Variants in ATG2B observed in about 807,000 individuals in gnomAD.
The protein encoded by ATG2B is autophagy-related protein 2 homolog B.
Under a neutral mutation model 241.3 loss-of-function variants are expected in ATG2B, and 121 were observed. The observed-to-expected ratio is 0.50, with a 90% CI of 0.43 to 0.58. The LOEUF is 0.58. ATG2B is among the 20% of genes least tolerant of loss of function. The pLI is 0.00. For synonymous variants in ATG2B, 858 were observed against 876.6 expected (o/e 0.98, Z 0.37); for missense variants, 2,306 against 2,491.6 (o/e 0.93, Z 1.59).
In ATG2B at chr14:96,334,473, A is replaced by G; in HGVS notation, c.953T>C (p.Ile318Thr). The G allele has an allele frequency of 2.5e-6, 4 of 1,608,552 alleles. No individual in the cohort carries two copies. The highest frequency in any genetic ancestry group is 2.5e-6 in the Non-Finnish European group (3 of 1,177,930). The change falls in exon 7 of 42, where the codon ATT (isoleucine) becomes ACT (threonine). Residue 318 changes from isoleucine to threonine, a missense_variant. By Grantham distance (89) the Ile-to-Thr change is moderately conservative. Around this residue, in one of 2 missense-constraint regions of ATG2B, gnomAD observed 1,927 missense variants for 2,011.2 expected, o/e 0.96. Coordinates refer to ENST00000359933, the MANE Select transcript of ATG2B (RefSeq NM_018036.7). ...CTGTCTTGGTGACAGGAGTAGATGA[A>G]TAGAGTCTATCTGTCCATCAACATC... ...KLDVDGQIDS[I>T]HLLLSPRQVH...
At position 96,315,391 on chromosome 14, in the gene ATG2B, T is replaced by C. The variant is rs753200417; in HGVS notation, c.3554A>G (p.Asn1185Ser). The change falls in exon 22 of 42, where the codon AAT (asparagine) becomes AGT (serine). Residue 1185 changes from asparagine to serine, a missense_variant. Transcript: ENST00000359933. ...AAAGTACAAAACACAAACCTTTGTA[T>C]TGGACTCTGATTTATCAGACAATAT... is the stretch of plus-strand genomic sequence containing the variant. ...VKILSDKSES[N>S]TKEFLIAVGL... 37 of 1,613,890 alleles carry C rather than the reference T, an allele frequency of 2.3e-5. No homozygotes were observed. In the East Asian group the frequency reaches 7.6e-4, roughly 33 times the overall value.
chr14:96,309,357 C>T (rs1374985373), intron 29 of ATG2B, 96 bp downstream of exon 29: 23 of 1,410,976 alleles, frequency 1.6e-5, no homozygotes, highest in Non-Finnish European at 2.1e-5. Context: ...AACTCATATG[C>T]GTCTTTAATA....
intron 1 of ATG2B, among the ~76,000 whole-genome samples, chr14:96,357,683 A>G (rs2139912467): frequency 7.0e-6 from 1 of 142,562 alleles, no homozygotes; most frequent in Admixed American, 7.1e-5. Flanking sequence ...ATTTTTTCAT[A>G]GTTTTTTTTT....
rs764529741 is a variant in ATG2B at position 96,290,535 on chromosome 14, G to C, written c.5757C>G (p.Gly1919=). ...WLPIEQYRKD[G]RIVRGFQRGA... ...CTCTCTGAAACCCTCTGACAATGCG[G>C]CCATCCTTCCGGTACTGCTCTATTG... is the stretch of plus-strand genomic sequence containing the variant. The change falls in exon 40 of 42, where the codon GGC becomes GGG. Residue 1919 remains glycine (G), a synonymous_variant. Transcript: ENST00000359933. The surrounding 1 kb of genome is among the most constrained non-coding windows in gnomAD (Gnocchi z 4.4). The C allele has an allele frequency of 6.2e-7, 1 of 1,614,162 alleles. No individual in the cohort carries two copies. The highest frequency in any genetic ancestry group is 8.5e-7 in the Non-Finnish European group (1 of 1,180,032).
chr14:96,323,843 T>C (rs1243593380), intron 16 of ATG2B, 53 bp downstream of exon 16: 1 of 1,167,768 alleles, frequency 8.6e-7, no homozygotes, highest in East Asian at 2.4e-5. Context: ...TTTAAAAGAA[T>C]ATTTTATTTT....
intron 18 of ATG2B, 31 bp from the exon 19 acceptor site, chr14:96,317,886 T>C (rs1887358156): frequency 6.7e-7 from 1 of 1,482,542 alleles, no homozygotes; most frequent in Non-Finnish European, 9.1e-7. Context: ...AAATAAGTAC[T>C]TAACTCCTAG....
At chr14:96,334,616 C>T in intron 6 of ATG2B, 115 bp from the exon 7 acceptor site, 1 of 549,226 alleles carries the variant, frequency 1.8e-6, no homozygotes, top group Non-Finnish European at 3.2e-6. Flanking sequence ...TCTTGGAGTC[C>T]TTCATCTGAG....
chr14:96,359,913 TG>T (rs1888578863), intron 1 of ATG2B, among the ~76,000 whole-genome samples: 1 of 152,224 alleles, frequency 6.6e-6, no homozygotes. Context: ...AATATACAAA[TG>T]GGCACTGGCA....
At chr14:96,317,590 A>G (rs937593389) in intron 19 of ATG2B, 108 bp downstream of exon 19, 4 of 1,004,138 alleles carry the variant, frequency 4.0e-6, no homozygotes, top group Admixed American at 5.4e-5. Flanking sequence ...ATTGCAAAAT[A>G]TAGTTACAAT....
intron 28 of ATG2B, among the ~76,000 whole-genome samples, chr14:96,310,324 C>A (rs192288055): frequency 1.7e-4 from 26 of 152,182 alleles, no homozygotes; most frequent in Admixed American, 1.4e-3. Context: ...GTAAAATAAT[C>A]CTGAACAAAA....
chr14:96,311,072 G>A (rs1348283062), intron 28 of ATG2B, 45 bp downstream of exon 28: 14 of 1,522,362 alleles, frequency 9.2e-6, no homozygotes, highest in East Asian at 2.3e-5. Flanking sequence ...ATGTAAACAT[G>A]TCACGACATG....
At position 96,315,527 on chromosome 14, in the gene ATG2B, G is replaced by A. The variant is rs1340030390; in HGVS notation, c.3418C>T (p.Pro1140Ser). The A allele has an allele frequency of 1.9e-6, 3 of 1,614,154 alleles. No homozygotes were observed. The highest frequency in any genetic ancestry group is 2.2e-5 in the East Asian group (1 of 44,878). Residue 1140 changes from proline to serine, a missense_variant, in exon 22 of 42, where the codon CCA (proline) becomes TCA (serine). This residue lies in a region of ATG2B where 1,927 missense variants were observed against 2,011.2 expected (regional missense o/e 0.96). Transcript: ENST00000359933. Reference protein sequence around the residue: ...TETRLPSSTRPHWLEPTIYSS... With the variant: ...TETRLPSSTRSHWLEPTIYSS... Reference sequence around the variant, plus strand: ...TAAATAGTAGGTTCCAACCAGTGTGGGCGGGTTGAGCTGGGAAGTCGTGTT... The same window carrying A: ...TAAATAGTAGGTTCCAACCAGTGTGAGCGGGTTGAGCTGGGAAGTCGTGTT...
At chr14:96,343,011 CAG>C in intron 5 of ATG2B, 106 bp downstream of exon 5, 1 of 734,832 alleles carries the variant, frequency 1.4e-6, no homozygotes, top group Non-Finnish European at 2.1e-6. Flanking sequence ...AATCTCAAGA[CAG>C]AGATTCATTA....
chr14:96,328,624 T>C, intron 13 of ATG2B, 50 bp downstream of exon 13: 2 of 1,557,314 alleles, frequency 1.3e-6, no homozygotes, highest in African/African-American at 2.8e-5. Flanking sequence ...TGACAAAATA[T>C]ATATCAGATT....
At position 96,306,903 on chromosome 14, in the gene ATG2B, T is replaced by C; in HGVS notation, c.4317A>G (p.Glu1439=). 1 of 1,612,786 alleles carries C rather than the reference T, an allele frequency of 6.2e-7. No individual in the cohort carries two copies. The highest frequency in any genetic ancestry group is 8.5e-7 in the Non-Finnish European group (1 of 1,179,730). ...AACATGGCTCCTGAATTTGAGATTT[T>C]TCATCCAAAACACCTAGATAAAAAG... is the stretch of plus-strand genomic sequence containing the variant. ...VKPQANGVLD[E]KSQIQEPCCS... Residue 1439 remains glutamate, a synonymous_variant, in exon 30 of 42, where the codon GAA becomes GAG. Transcript: ENST00000359933.
intron 6 of ATG2B, among the ~76,000 whole-genome samples, chr14:96,338,721 T>C (rs772801179): frequency 1.3e-5 from 2 of 152,118 alleles, no homozygotes; most frequent in East Asian, 1.9e-4. Context: ...CTTCTGGACA[T>C]TGGCTTAGGC....
Position 96,316,661 on chromosome 14 carries a change from T to C in ATG2B, c.3233A>G (p.Glu1078Gly), listed in dbSNP as rs1887321471. Residue 1078 changes from glutamate (E) to glycine (G), a missense_variant, in exon 21 of 42, where the codon GAA (glutamate) becomes GGA (glycine). Glu to Gly is a moderately conservative substitution (Grantham distance 98). Transcript: ENST00000359933. ...DVKQDNGDLL[E>G]NKHGEFWLEF... Reference sequence around the variant, plus strand: ...TAACCAGAATTCACCATGCTTGTTTTCCAACAGATCTCCATTATCTTGCTA... The same window carrying C: ...TAACCAGAATTCACCATGCTTGTTTCCCAACAGATCTCCATTATCTTGCTA... 6.2e-7 allele frequency: 1 copy of C among 1,609,642 alleles called. No individual in the cohort carries two copies. Among genetic ancestry groups the C allele is most frequent in the South Asian group, 1.1e-5 (1 of 89,684 alleles).
Position 96,315,512 on chromosome 14 carries a change from G to A in ATG2B, c.3433C>T (p.Pro1145Ser), listed in dbSNP as rs200823414. The A allele has an allele frequency of 1.4e-4, 226 of 1,614,162 alleles. No homozygotes were observed. In the African/African-American group the frequency reaches 2.5e-3, roughly 18 times the overall value. Residue 1145 changes from proline (P) to serine (S), a missense_variant, in exon 22 of 42, where the codon CCT becomes TCT. Physicochemically the swap from Pro to Ser is moderately conservative, Grantham distance 74 (BLOSUM62 -1). Transcript: ENST00000359933. ...TCTTCTTCAGAGGAATAAATAGTAG[G>A]TTCCAACCAGTGTGGGCGGGTTGAG... is the stretch of plus-strand genomic sequence containing the variant. ...PSSTRPHWLE[P>S]TIYSSEEDGL...
In ATG2B at chr14:96,331,512, T is replaced by A. The variant is rs1327078679; in HGVS notation, c.1594A>T (p.Asn532Tyr). ...GCCATAGGTGTCAATGGATTAAGGT[T>A]CTGTGACGTTTCAGGTGGAGATAAA... ...DPLSPPETSQ[N>Y]LNPLTPMAVA... Residue 532 changes from asparagine (N) to tyrosine (Y), a missense_variant, in exon 11 of 42, where the codon AAC becomes TAC. Around this residue, in one of 2 missense-constraint regions of ATG2B, gnomAD observed 1,927 missense variants for 2,011.2 expected, o/e 0.96. Transcript: ENST00000359933. 1 of 1,614,122 alleles carries A rather than the reference T, an allele frequency of 6.2e-7. No homozygotes were observed.
Sources: gnomAD v4.1 joint callset for allele counts (sites outside exome capture counted in the v4.1 genomes callset) on GRCh38, gnomAD v4.1.1 for gene constraint, gnomAD v4.1.1 regional missense constraint, Gnocchi (gnomAD v3.1) non-coding constraint, MANE v1.5 for transcripts, NCBI Gene and HGNC (gene_info 2026-07-23, HGNC 2026-07-21) for gene names.